NELL1: variants seen among roughly 807,000 people sequenced by gnomAD.
NELL1 encodes protein kinase C-binding protein NELL1.
NELL1 carries 76 observed loss-of-function variants against 107.4 expected under a neutral mutation model. The observed-to-expected ratio is 0.71, with a 90% CI of 0.59 to 0.86. NELL1 has a LOEUF of 0.86. Ranked by LOEUF, NELL1 falls within the 40% of genes least tolerant of loss-of-function variation. The pLI is 0.00. For missense variants in NELL1, 1,024 were observed against 1,005.5 expected, an observed-to-expected ratio of 1.02 and a Z score of -0.25; for synonymous variants, 353 against 341.2, an observed-to-expected ratio of 1.03 and a Z score of -0.38.
chr11:20,743,266 A>G (rs1021346555), intron 2 of NELL1, among the ~76,000 whole-genome samples: 2 of 151,946 alleles, frequency 1.3e-5, no homozygotes, highest in East Asian at 1.9e-4. Context: ...AGGTGGGACA[A>G]TCCTTGAACC....
chr11:21,403,743 G>GA (rs75645381), intron 15 of NELL1, among the ~76,000 whole-genome samples: 3 of 151,302 alleles, frequency 2.0e-5, no homozygotes, highest in Non-Finnish European at 2.9e-5. Context: ...AATGTTATCA[G>GA]AAAAAAAAGG....
At chr11:20,755,682 A>T (rs549209165) in intron 2 of NELL1, among the ~76,000 whole-genome samples, 1 of 151,148 alleles carries the variant, frequency 6.6e-6, no homozygotes, top group African/African-American at 2.4e-5. Context: ...CAGCCTCCCG[A>T]GTAACTGAGA....
Position 21,022,512 on chromosome 11 carries a change from T to C in NELL1, c.1300+61952T>C, listed in dbSNP as rs115263152. Among the ~76,000 whole-genome samples, 211 of 152,266 alleles carry C rather than the reference T, an allele frequency of 1.4e-3. 2 individuals carry two copies. The highest frequency in any genetic ancestry group is 5.0e-3 in the African/African-American group (207 of 41,572). The stretch of plus-strand genomic sequence containing the variant: ...CTTGAAAATGGGACTAAGTCCAAAG[T>C]TGCATCAGTTGCTTTAATTTTCTCT... On this transcript the variant is annotated intron_variant, in intron 12 of 19. Transcript: ENST00000357134.
intron 15 of NELL1, among the ~76,000 whole-genome samples, chr11:21,497,166 G>T (rs1855002741): frequency 1.8e-5 from 2 of 111,916 alleles, no homozygotes; most frequent in African/African-American, 3.4e-5. Flanking sequence ...CTGGGGTGGG[G>T]GGAGGGGGGA....
At chr11:20,953,658 GTGAC>G (rs1851111482) in intron 11 of NELL1, among the ~76,000 whole-genome samples, 1 of 152,168 alleles carries the variant, frequency 6.6e-6, no homozygotes, top group Non-Finnish European at 1.5e-5. Flanking sequence ...AGGAGAAAGT[GTGAC>G]CCCAACATTT....
At chr11:21,473,636 C>T (rs1415144449) in intron 15 of NELL1, among the ~76,000 whole-genome samples, 1 of 151,932 alleles carries the variant, frequency 6.6e-6, no homozygotes. Flanking sequence ...CTTGGCATTC[C>T]CTTAGTGAAA....
chr11:21,139,256 T>A (rs889819522), intron 13 of NELL1, among the ~76,000 whole-genome samples: 5 of 152,204 alleles, frequency 3.3e-5, no homozygotes, highest in Admixed American at 3.3e-4. Context: ...CTGCCATGAC[T>A]GGTGAAGCCT....
At chr11:21,310,882 T>C (rs1849735552) in intron 14 of NELL1, among the ~76,000 whole-genome samples, 1 of 152,150 alleles carries the variant, frequency 6.6e-6, no homozygotes, top group African/African-American at 2.4e-5. Context: ...TATATTCATC[T>C]GTATCTGATG....
Position 21,227,124 on chromosome 11 carries a change from A to G in NELL1, c.1427-2208A>G, listed in dbSNP as rs143686392. Among the ~76,000 whole-genome samples the G allele has an allele frequency of 9.8e-5, 15 of 152,308 alleles. No individual in the cohort carries two copies. The East Asian group carries it at 2.9e-3, about 29-fold the overall frequency. ...GAGCAACTCTAATTGAGAAACCTTG[A>G]TCATTTGTGAAAGATTATTTAAAAT... On this transcript the variant is annotated intron_variant, in intron 13 of 19. Transcript: ENST00000357134.
At chr11:20,745,432 G>T (rs1855981908) in intron 2 of NELL1, among the ~76,000 whole-genome samples, 1 of 152,164 alleles carries the variant, frequency 6.6e-6, no homozygotes, top group Non-Finnish European at 1.5e-5. Flanking sequence ...ATCAACTGAA[G>T]ATAGCACTGA....
At chr11:21,480,687 C>G (rs541809567) in intron 15 of NELL1, among the ~76,000 whole-genome samples, 196 of 152,330 alleles carry the variant, frequency 1.3e-3, no homozygotes, top group African/African-American at 4.6e-3. Flanking sequence ...AGCGACTGCT[C>G]TTCCCACCAC....
intron 18 of NELL1, among the ~76,000 whole-genome samples, chr11:21,572,315 A>G (rs1857116249): frequency 6.6e-6 from 1 of 151,850 alleles, no homozygotes. Flanking sequence ...TTAAACACAT[A>G]ACTTATGAAT....
intron 15 of NELL1, among the ~76,000 whole-genome samples, chr11:21,513,193 C>A (rs1282124961): frequency 6.6e-6 from 1 of 152,172 alleles, no homozygotes; most frequent in African/African-American, 2.4e-5. Context: ...CACTACCCTC[C>A]AGCACCATTT....
intron 4 of NELL1, among the ~76,000 whole-genome samples, chr11:20,855,772 A>T (rs1848871373): frequency 6.6e-6 from 1 of 152,216 alleles, no homozygotes; most frequent in Non-Finnish European, 1.5e-5. Context: ...AAACATATAC[A>T]CATTCATATA....
intron 14 of NELL1, among the ~76,000 whole-genome samples, chr11:21,240,766 T>TGGGGGGGGG (rs150046714): frequency 4.8e-5 from 3 of 62,202 alleles, no homozygotes; most frequent in Non-Finnish European, 9.4e-5. Flanking sequence ...GCCTTTCTAG[T>TGGGGGGGGG]GGGGGGGGGG....
intron 7 of NELL1, among the ~76,000 whole-genome samples, chr11:20,925,707 A>G (rs1209324798): frequency 6.6e-6 from 1 of 152,176 alleles, no homozygotes; most frequent in South Asian, 2.1e-4. Context: ...CTCATGGTGC[A>G]TGGTGGTTGG....
intron 15 of NELL1, among the ~76,000 whole-genome samples, chr11:21,529,431 G>T (rs887156818): frequency 5.3e-5 from 8 of 152,198 alleles, no homozygotes; most frequent in African/African-American, 1.7e-4. Flanking sequence ...CAGGGTCTTT[G>T]CATGTTATGT....
chr11:20,762,352 A>G (rs557015237), intron 2 of NELL1, among the ~76,000 whole-genome samples: 2 of 152,344 alleles, frequency 1.3e-5, no homozygotes, highest in East Asian at 3.9e-4. Context: ...CTCTTTGTAC[A>G]CTGAGCACGT....
intron 4 of NELL1, among the ~76,000 whole-genome samples, chr11:20,859,431 G>A (rs188525161): frequency 6.6e-6 from 1 of 152,274 alleles, no homozygotes; most frequent in Admixed American, 6.5e-5. Context: ...TGTAAGATTT[G>A]TATGCCTTGT....
Sources: gnomAD v4.1 joint callset for allele counts (sites outside exome capture counted in the v4.1 genomes callset) on GRCh38, gnomAD v4.1.1 for gene constraint, MANE v1.5 for transcripts, NCBI Gene and HGNC (gene_info 2026-07-23, HGNC 2026-07-21) for gene names.